The following SLCO5A1 variants were observed in gnomAD, a reference collection of about 807,000 sequenced individuals.
SLCO5A1 encodes the protein solute carrier organic anion transporter family member 5A1.
Under a neutral mutation model 65.1 loss-of-function variants are expected in SLCO5A1, and 39 were observed. That is an observed-to-expected ratio of 0.60 (90% CI 0.46 to 0.78). The LOEUF is 0.78. Among genes scored for constraint, SLCO5A1 ranks in the 30% least tolerant of loss-of-function variants. SLCO5A1 has a pLI of 0.00. For missense variants in SLCO5A1, 1,029 were observed against 1,069.4 expected, an observed-to-expected ratio of 0.96 and a Z score of 0.53; for synonymous variants, 438 against 415.7, an observed-to-expected ratio of 1.05 and a Z score of -0.65.
chr8:69,802,757 T>G (rs1819805393), intron 2 of SLCO5A1, among the ~76,000 whole-genome samples: 1 of 152,082 alleles, frequency 6.6e-6, no homozygotes, highest in Non-Finnish European at 1.5e-5. Context: ...CCTCATCTCC[T>G]CAAAGAAATC....
chr8:69,800,349 G>T (rs887745271), intron 2 of SLCO5A1, among the ~76,000 whole-genome samples: 1 of 149,328 alleles, frequency 6.7e-6, no homozygotes, highest in Non-Finnish European at 1.5e-5. Flanking sequence ...GACCTCCCAG[G>T]AGGAGGAGGA....
intron 2 of SLCO5A1, among the ~76,000 whole-genome samples, chr8:69,784,817 AAGAAAGAAAG>A (rs1818945962): frequency 1.0e-5 from 1 of 99,370 alleles, no homozygotes; most frequent in African/African-American, 3.0e-5. Flanking sequence ...AAGAAAAAGA[AAGAAAGAAAG>A]AAAGAAAGAA....
intron 5 of SLCO5A1, among the ~76,000 whole-genome samples, chr8:69,718,069 G>A (rs1209383659): frequency 2.0e-5 from 3 of 152,048 alleles, no homozygotes; most frequent in South Asian, 2.1e-4. Flanking sequence ...TTACTTTTAA[G>A]CAATGTTTTG....
chr8:69,671,625 C>T lies in SLCO5A1; in HGVS notation c.*1244G>A, dbSNP rs1813330711. ...AAAGTGCATTTAGGAACAGAAAAAT[C>T]CTCTCTCAGAATCACTGCCAGAAAC... On this transcript the variant is annotated 3_prime_UTR_variant, in exon 10 of 10. Transcript: ENST00000260126. The T allele has an allele frequency of 6.6e-6, 1 of 152,142 alleles. No individual in the cohort carries two copies. The highest frequency in any genetic ancestry group is 2.4e-5 in the African/African-American group (1 of 41,430). 9.4% of individuals were successfully genotyped at this position (152,142 alleles called of 1,614,324 possible).
At chr8:69,747,537 G>T (rs996718801) in intron 4 of SLCO5A1, among the ~76,000 whole-genome samples, 16 of 152,200 alleles carry the variant, frequency 1.1e-4, no homozygotes, top group African/African-American at 3.9e-4. Context: ...ATTGTATTAG[G>T]TATTATAAGT....
intron 2 of SLCO5A1, among the ~76,000 whole-genome samples, chr8:69,821,818 A>AT (rs1370464058): frequency 3.1e-4 from 46 of 149,078 alleles, no homozygotes; most frequent in African/African-American, 1.1e-3. Flanking sequence ...AAAAAAAAAA[A>AT]AAAAGAAAAG....
At chr8:69,715,727 C>T (rs1039660825) in intron 5 of SLCO5A1, among the ~76,000 whole-genome samples, 9 of 152,056 alleles carry the variant, frequency 5.9e-5, no homozygotes, top group Middle Eastern at 3.2e-3. Flanking sequence ...TTAATTCTGC[C>T]GAGTGAATAG....
chr8:69,761,625 C>G, intron 3 of SLCO5A1, 118 bp downstream of exon 3: 1 of 1,103,260 alleles, frequency 9.1e-7, no homozygotes, highest in Non-Finnish European at 1.3e-6. Context: ...CACCCCTTCC[C>G]AGGCACCTTT....
intron 6 of SLCO5A1, among the ~76,000 whole-genome samples, chr8:69,688,012 G>A (rs1003004628): frequency 1.3e-5 from 2 of 151,908 alleles, no homozygotes; most frequent in African/African-American, 4.8e-5. Context: ...ATACCTTACA[G>A]ACTTCATGTT....
At position 69,832,174 on chromosome 8, in the gene SLCO5A1, G is replaced by A. The variant is rs1197155779; in HGVS notation, c.500C>T (p.Ser167Leu). Reference protein sequence around the residue: ...ERRYSLKSSESGLLVSCFDIG... With the variant: ...ERRYSLKSSELGLLVSCFDIG... ...GTCAAAGCAGCTGACCAGCAGCCCCGACTCGGAACTCTTCAGACTGTAGCG... is the reference window on the plus strand; with the variant it reads ...GTCAAAGCAGCTGACCAGCAGCCCCAACTCGGAACTCTTCAGACTGTAGCG... Residue 167 changes from serine (S) to leucine (L), a missense_variant, in exon 2 of 10, where the codon TCG becomes TTG. Ser to Leu is a moderately radical substitution (Grantham distance 145). Transcript: ENST00000260126. The surrounding 1 kb of genome is among the most constrained non-coding windows in gnomAD (Gnocchi z 4.5). 3 of 1,614,148 alleles carry A rather than the reference G, an allele frequency of 1.9e-6. No homozygotes were observed. The highest frequency in any genetic ancestry group is 1.3e-5 in the African/African-American group (1 of 75,022).
At chr8:69,800,063 T>A (rs905585729) in intron 2 of SLCO5A1, among the ~76,000 whole-genome samples, 2 of 152,166 alleles carry the variant, frequency 1.3e-5, no homozygotes, top group Non-Finnish European at 2.9e-5. Context: ...ATCCACCAAA[T>A]TGAACTATCT....
intron 4 of SLCO5A1, among the ~76,000 whole-genome samples, chr8:69,742,959 C>G (rs1367999987): frequency 6.6e-6 from 1 of 152,030 alleles, no homozygotes; most frequent in Non-Finnish European, 1.5e-5. Flanking sequence ...TGCCACCATG[C>G]CTGGCTAATG....
intron 5 of SLCO5A1, among the ~76,000 whole-genome samples, chr8:69,710,218 C>T (rs1292013963): frequency 1.3e-5 from 2 of 152,012 alleles, no homozygotes; most frequent in Admixed American, 1.3e-4. Flanking sequence ...GGCGTTTCAC[C>T]ATATTGCCCA....
intron 2 of SLCO5A1, among the ~76,000 whole-genome samples, chr8:69,764,085 G>A (rs1047850434): frequency 6.6e-5 from 10 of 152,110 alleles, no homozygotes; most frequent in African/African-American, 2.4e-4. Context: ...TACTGGTCGC[G>A]AACTCCTGAC....
At chr8:69,715,539 A>G (rs529846215) in intron 5 of SLCO5A1, among the ~76,000 whole-genome samples, 4 of 152,290 alleles carry the variant, frequency 2.6e-5, no homozygotes, top group East Asian at 3.9e-4. Context: ...ACGCCCACTA[A>G]TAGCAGAACT....
chr8:69,691,896 G>A (rs1175759144), intron 6 of SLCO5A1, among the ~76,000 whole-genome samples: 2 of 152,158 alleles, frequency 1.3e-5, no homozygotes, highest in Non-Finnish European at 2.9e-5. Flanking sequence ...GAATACCATA[G>A]GCAATTACAA....
At chr8:69,739,962 A>G (rs1268123237) in intron 4 of SLCO5A1, among the ~76,000 whole-genome samples, 1 of 152,202 alleles carries the variant, frequency 6.6e-6, no homozygotes, top group Non-Finnish European at 1.5e-5. Context: ...TATAAAATAA[A>G]TTTTTAACAT....
chr8:69,748,928 G>T (rs1817157374), intron 4 of SLCO5A1, among the ~76,000 whole-genome samples: 1 of 152,140 alleles, frequency 6.6e-6, no homozygotes, highest in Admixed American at 6.6e-5. Flanking sequence ...AAAGAAAGGG[G>T]TTTTATATAA....
At chr8:69,766,791 C>G (rs528101424) in intron 2 of SLCO5A1, among the ~76,000 whole-genome samples, 2 of 152,318 alleles carry the variant, frequency 1.3e-5, no homozygotes, top group East Asian at 3.9e-4. Context: ...CCAACTGGAA[C>G]ATAAGCTCCT....
Sources: allele counts gnomAD v4.1 joint callset (sites outside exome capture counted in the v4.1 genomes callset), GRCh38; gene constraint gnomAD v4.1.1; non-coding constraint Gnocchi (gnomAD v3.1); transcripts MANE v1.5; gene names NCBI Gene and HGNC (gene_info 2026-07-23, HGNC 2026-07-21).